Variants in NRXN3 observed in about 807,000 individuals in gnomAD.
The protein encoded by NRXN3 is neurexin III.
NRXN3 carries 32 observed loss-of-function variants against 137.6 expected under a neutral mutation model. The observed-to-expected ratio is 0.23, with a 90% CI of 0.18 to 0.31. NRXN3 has a LOEUF of 0.31. Ranked by LOEUF, NRXN3 falls within the 10% of genes least tolerant of loss-of-function variation. The probability of loss-of-function intolerance (pLI) is 1.00; values close to 1 mark genes in which losing one functional copy is unlikely to be tolerated. For synonymous variants in NRXN3, 798 were observed against 784.5 expected (o/e 1.02, Z -0.29); for missense variants, 1,574 against 2,062.5 (o/e 0.76, Z 4.59).
intron 4 of NRXN3, among the ~76,000 whole-genome samples, chr14:78,644,057 C>T (rs919320649): frequency 2.0e-5 from 3 of 149,354 alleles, no homozygotes; most frequent in Admixed American, 1.3e-4. Flanking sequence ...AGGAGAATCG[C>T]TTGAACCCGG....
intron 16 of NRXN3, among the ~76,000 whole-genome samples, chr14:79,631,488 C>T (rs1309173079): frequency 4.6e-5 from 7 of 152,224 alleles, no homozygotes; most frequent in East Asian, 1.9e-4. Flanking sequence ...CTGCACTGGG[C>T]GCTCGCTGGC....
chr14:78,816,144 T>C (rs1190232139), intron 10 of NRXN3, among the ~76,000 whole-genome samples: 6 of 152,206 alleles, frequency 3.9e-5, no homozygotes, highest in African/African-American at 1.2e-4. Context: ...GGATGCTTCC[T>C]AAATATATAA....
At chr14:79,028,305 C>A (rs937021429) in intron 15 of NRXN3, among the ~76,000 whole-genome samples, 3 of 152,120 alleles carry the variant, frequency 2.0e-5, no homozygotes, top group Admixed American at 6.6e-5. Flanking sequence ...ATAATTACTT[C>A]TACCATTACA....
intron 15 of NRXN3, among the ~76,000 whole-genome samples, chr14:79,208,883 A>G (rs1160754675): frequency 6.6e-6 from 1 of 151,162 alleles, no homozygotes. Context: ...CCTGCCAAGA[A>G]TGTTATACCA....
At chr14:78,629,017 A>G (rs778275747) in intron 4 of NRXN3, among the ~76,000 whole-genome samples, 8 of 152,234 alleles carry the variant, frequency 5.3e-5, no homozygotes, top group African/African-American at 1.7e-4. Flanking sequence ...ACTGTCAATA[A>G]TAATACCTAA....
At chr14:79,669,819 T>A (rs545379000) in intron 17 of NRXN3, among the ~76,000 whole-genome samples, 90 of 152,196 alleles carry the variant, frequency 5.9e-4, no homozygotes, top group African/African-American at 2.1e-3. Flanking sequence ...CCCAGTGCTA[T>A]GGGTACATTG....
chr14:79,781,042 AT>A (rs35081734), intron 19 of NRXN3, among the ~76,000 whole-genome samples: 10,634 of 131,054 alleles, frequency 0.081, 1,202 homozygotes, highest in African/African-American at 0.26. Context: ...TCATAAGGTA[AT>A]TTTTTTTTTT....
intron 4 of NRXN3, among the ~76,000 whole-genome samples, chr14:78,460,975 C>G (rs545733805): frequency 7.9e-5 from 12 of 152,296 alleles, no homozygotes; most frequent in Middle Eastern, 3.4e-3. Context: ...CCTCTGAAAT[C>G]AGGCCTGTTG....
intron 4 of NRXN3, among the ~76,000 whole-genome samples, chr14:78,358,606 C>T (rs2084670579): frequency 6.6e-6 from 1 of 152,198 alleles, no homozygotes; most frequent in African/African-American, 2.4e-5. Flanking sequence ...TACGTCAGCT[C>T]ATCTTAGTGG....
intron 1 of NRXN3, among the ~76,000 whole-genome samples, chr14:78,175,002 C>T (rs1045545268): frequency 2.6e-5 from 4 of 152,106 alleles, no homozygotes; most frequent in South Asian, 2.1e-4. Flanking sequence ...TTGGGCGGCT[C>T]GGCCTTGTTG....
At chr14:79,040,129 G>A (rs1595254117) in intron 15 of NRXN3, among the ~76,000 whole-genome samples, 1 of 152,156 alleles carries the variant, frequency 6.6e-6, no homozygotes, top group East Asian at 1.9e-4. Flanking sequence ...CCACATTTTG[G>A]TATTGTTTTG....
intron 1 of NRXN3, among the ~76,000 whole-genome samples, chr14:78,233,344 T>C (rs2065716612): frequency 6.6e-6 from 1 of 152,160 alleles, no homozygotes; most frequent in South Asian, 2.1e-4. Flanking sequence ...TGACATCAGA[T>C]TTCTCTTCCG....
intron 16 of NRXN3, among the ~76,000 whole-genome samples, chr14:79,615,870 T>C (rs1012887356): frequency 6.6e-6 from 1 of 152,198 alleles, no homozygotes. Context: ...ATCATATCAA[T>C]GTATTAAAAC....
chr14:78,531,377 C>T (rs1251551345), intron 4 of NRXN3, among the ~76,000 whole-genome samples: 5 of 152,174 alleles, frequency 3.3e-5, no homozygotes, highest in African/African-American at 1.2e-4. Context: ...TCAGAGTTAT[C>T]CCAGGCTGGG....
chr14:78,867,266 T>G (rs1396705382), intron 10 of NRXN3, among the ~76,000 whole-genome samples: 1 of 152,198 alleles, frequency 6.6e-6, no homozygotes, highest in African/African-American at 2.4e-5. Context: ...ATACCAGTAT[T>G]GGAACCCCAG....
chr14:78,288,628 G>C (rs1246114389), intron 3 of NRXN3, among the ~76,000 whole-genome samples: 1 of 152,176 alleles, frequency 6.6e-6, no homozygotes, highest in Non-Finnish European at 1.5e-5. Flanking sequence ...CTATTTTAGG[G>C]AAGTTCATGA....
intron 2 of NRXN3, among the ~76,000 whole-genome samples, chr14:78,249,680 CA>C (rs1197531809): frequency 1.3e-5 from 2 of 152,098 alleles, no homozygotes; most frequent in African/African-American, 4.8e-5. Context: ...ATATTATTAC[CA>C]TTGCTCTTAT....
intron 15 of NRXN3, among the ~76,000 whole-genome samples, chr14:79,149,584 T>G (rs551322533): frequency 6.6e-6 from 1 of 152,184 alleles, no homozygotes; most frequent in African/African-American, 2.4e-5. Flanking sequence ...CTATTCACAA[T>G]AGTAAAGACA....
At chr14:78,999,132 A>G (rs1361355057) in intron 15 of NRXN3, among the ~76,000 whole-genome samples, 1 of 152,096 alleles carries the variant, frequency 6.6e-6, no homozygotes, top group East Asian at 1.9e-4. Flanking sequence ...TTGTTTCTAT[A>G]CCTTGTAGTG....
Sources: gnomAD v4.1 joint callset for allele counts (sites outside exome capture counted in the v4.1 genomes callset) on GRCh38, gnomAD v4.1.1 for gene constraint, MANE v1.5 for transcripts, NCBI Gene and HGNC (gene_info 2026-07-23, HGNC 2026-07-21) for gene names.